DHRSX: variants seen among roughly 807,000 people sequenced by gnomAD.
The protein encoded by DHRSX is polyprenol dehydrogenase.
In DHRSX, 31 loss-of-function variants were observed where a neutral mutation model predicts 34.0. The observed-to-expected ratio is 0.91, with a 90% CI of 0.69 to 1.23. The LOEUF (loss-of-function observed/expected upper bound fraction) is 1.23, where lower values mean the gene tolerates loss of function less well. DHRSX is among the 50% of genes most tolerant of loss of function. DHRSX has a pLI of 0.00. For missense variants in DHRSX, 414 were observed against 428.1 expected (o/e 0.97, Z 0.29); for synonymous variants, 201 against 183.8 (o/e 1.09, Z -0.76).
chrX:2,398,843 T>C (rs764797795), intron 3 of DHRSX, among the ~76,000 whole-genome samples: 79 of 151,818 alleles, frequency 5.2e-4, no homozygotes, highest in African/African-American at 1.8e-3. Context: ...CTAATTTTTG[T>C]ATTTCTATTT....
chrX:2,272,764 C>G (rs1471861797), intron 4 of DHRSX, among the ~76,000 whole-genome samples: 7 of 152,158 alleles, frequency 4.6e-5, no homozygotes, highest in Non-Finnish European at 8.8e-5. Context: ...CCTGGTCAAG[C>G]CTTCAGATAA....
intron 3 of DHRSX, among the ~76,000 whole-genome samples, chrX:2,387,833 C>T (rs2043288714): frequency 7.4e-6 from 1 of 134,756 alleles, no homozygotes; most frequent in Non-Finnish European, 1.5e-5. Flanking sequence ...GATCAGATAA[C>T]AGGGGTGAAT....
chrX:2,235,506 A>G (rs2015991256), intron 6 of DHRSX, among the ~76,000 whole-genome samples: 1 of 151,982 alleles, frequency 6.6e-6, no homozygotes. Context: ...GCACTCTGGG[A>G]GGCCGAGGCC....
At chrX:2,404,259 T>C (rs1056686357) in intron 3 of DHRSX, among the ~76,000 whole-genome samples, 4 of 152,088 alleles carry the variant, frequency 2.6e-5, no homozygotes, top group African/African-American at 9.7e-5. Context: ...CCTGCATTTC[T>C]TGTTTACTCC....
intron 3 of DHRSX, among the ~76,000 whole-genome samples, chrX:2,345,754 C>G (rs781095590): frequency 6.6e-6 from 1 of 152,018 alleles, no homozygotes; most frequent in South Asian, 2.1e-4. Context: ...GAAGGTCTGA[C>G]TAGAACAGAA....
At chrX:2,276,186 G>C (rs1300618966) in intron 4 of DHRSX, among the ~76,000 whole-genome samples, 1 of 152,150 alleles carries the variant, frequency 6.6e-6, no homozygotes, top group African/African-American at 2.4e-5. Context: ...AGTGGTTTTG[G>C]GCTACATGGA....
intron 5 of DHRSX, among the ~76,000 whole-genome samples, chrX:2,252,854 A>C (rs191647500): frequency 2.6e-5 from 4 of 152,176 alleles, no homozygotes; most frequent in Non-Finnish European, 5.9e-5. Context: ...ATGCCCATTA[A>C]GGTCTGTAAA....
chrX:2,481,903 C>G (rs1191827020), intron 1 of DHRSX, among the ~76,000 whole-genome samples: 1 of 152,122 alleles, frequency 6.6e-6, no homozygotes, highest in Admixed American at 6.5e-5. Context: ...AAAAATAGCC[C>G]AGCTGGGAAG....
chrX:2,438,743 G>A (rs2044028259), intron 1 of DHRSX, among the ~76,000 whole-genome samples: 1 of 151,994 alleles, frequency 6.6e-6, no homozygotes, highest in East Asian at 1.9e-4. Context: ...GCAGAGGAGA[G>A]GGAAGGAGAG....
At chrX:2,360,349 C>T (rs2042914393) in intron 3 of DHRSX, among the ~76,000 whole-genome samples, 1 of 152,252 alleles carries the variant, frequency 6.6e-6, no homozygotes, top group Non-Finnish European at 1.5e-5. Flanking sequence ...CTTTGGGAGG[C>T]CAAGGTGGGC....
intron 3 of DHRSX, among the ~76,000 whole-genome samples, chrX:2,331,446 T>G (rs868777918): frequency 4.4e-4 from 30 of 68,746 alleles, no homozygotes; most frequent in African/African-American, 1.5e-3. Context: ...GTTTTTTTTT[T>G]TTTTTTTTTT....
intron 4 of DHRSX, among the ~76,000 whole-genome samples, chrX:2,275,570 C>T (rs1202841967): frequency 3.3e-5 from 5 of 151,296 alleles, no homozygotes; most frequent in East Asian, 3.9e-4. Context: ...TCATCCAAAG[C>T]GAGCACTCTC....
intron 1 of DHRSX, among the ~76,000 whole-genome samples, chrX:2,440,015 A>G (rs936034310): frequency 9.9e-5 from 15 of 152,272 alleles, no homozygotes; most frequent in Admixed American, 2.6e-4. Context: ...ACACTCTCCA[A>G]TTAATCTTGT....
Position 2,461,156 on chromosome X carries a change from G to A in DHRSX, c.110-35852C>T, listed in dbSNP as rs979951757. On this transcript the variant is annotated intron_variant, in intron 1 of 6. Transcript: ENST00000334651. Reference sequence around the variant, plus strand: ...AGCTTGTGGATCCAGTTTTGGAAGCGATTTAAATTCTAGAAAGCCTGCAGT... The same window carrying A: ...AGCTTGTGGATCCAGTTTTGGAAGCAATTTAAATTCTAGAAAGCCTGCAGT... Among the ~76,000 whole-genome samples, 19 of 152,278 alleles carry A rather than the reference G, an allele frequency of 1.2e-4. No individual in the cohort carries two copies. The South Asian group carries it at 1.7e-3, about 13-fold the overall frequency.
At chrX:2,300,396 G>C (rs765523488) in intron 3 of DHRSX, among the ~76,000 whole-genome samples, 3 of 152,114 alleles carry the variant, frequency 2.0e-5, no homozygotes, top group Non-Finnish European at 4.4e-5. Flanking sequence ...GGTTAATGCC[G>C]AGTGTCAACC....
intron 2 of DHRSX, among the ~76,000 whole-genome samples, chrX:2,412,697 A>G (rs2043647096): frequency 6.6e-6 from 1 of 152,162 alleles, no homozygotes; most frequent in East Asian, 1.9e-4. Context: ...TGTCCATCTA[A>G]GGATGGGTAG....
chrX:2,265,989 A>G (rs1485545491), intron 5 of DHRSX, among the ~76,000 whole-genome samples: 1 of 139,792 alleles, frequency 7.2e-6, no homozygotes, highest in Admixed American at 7.0e-5. Flanking sequence ...CTGTTCCCAG[A>G]GCACCAGTGC....
intron 3 of DHRSX, among the ~76,000 whole-genome samples, chrX:2,388,143 G>A (rs983621018): frequency 6.6e-6 from 1 of 152,078 alleles, no homozygotes; most frequent in Admixed American, 6.6e-5. Context: ...CTTACTCAAA[G>A]GAGCCATTGG....
chrX:2,453,958 G>A (rs2044262136), intron 1 of DHRSX, among the ~76,000 whole-genome samples: 1 of 152,016 alleles, frequency 6.6e-6, no homozygotes, highest in South Asian at 2.1e-4. Flanking sequence ...TTGTTAATAT[G>A]GTAACTAGCT....
Sources: gnomAD v4.1 joint callset for allele counts (sites outside exome capture counted in the v4.1 genomes callset) on GRCh38, gnomAD v4.1.1 for gene constraint, MANE v1.5 for transcripts, NCBI Gene and HGNC (gene_info 2026-07-23, HGNC 2026-07-21) for gene names.